Variants in CLHC1 observed in about 807,000 individuals in gnomAD.
The protein encoded by CLHC1 is clathrin heavy chain linker domain containing 1.
Under a neutral mutation model 69.5 loss-of-function variants are expected in CLHC1, and 72 were observed. That is an observed-to-expected ratio of 1.04 (90% CI 0.86 to 1.26). The LOEUF (loss-of-function observed/expected upper bound fraction) is 1.26. Among genes scored for constraint, CLHC1 ranks in the 50% most tolerant of loss-of-function variants. The pLI is 0.00. For synonymous variants in CLHC1, 223 were observed against 224.3 expected, an observed-to-expected ratio of 0.99 and a Z score of 0.05; for missense variants, 790 against 679.3, an observed-to-expected ratio of 1.16 and a Z score of -1.81.
rs1228505014 is a variant in CLHC1 at position 55,174,509 on chromosome 2, T to A, written c.*1281A>T. On this transcript the variant is annotated 3_prime_UTR_variant, in exon 13 of 13. Transcript: ENST00000401408. The stretch of plus-strand genomic sequence containing the variant: ...CGATTACAAAGGAATTACAGCTATC[T>A]TTTCCTAAGTTCCTCTATCATGTTA... 6.6e-6 allele frequency among the ~76,000 whole-genome samples: 1 copy of A among 152,198 alleles called. No homozygotes were observed. Among genetic ancestry groups the A allele is most frequent in the Non-Finnish European group, 1.5e-5 (1 of 68,038 alleles).
intron 9 of CLHC1, among the ~76,000 whole-genome samples, chr2:55,190,452 T>C (rs761941017): frequency 1.3e-5 from 2 of 152,082 alleles, no homozygotes; most frequent in Non-Finnish European, 2.9e-5. Context: ...ATTGACATGA[T>C]AGAATTTGTA....
At chr2:55,187,495 C>T (rs1013480562) in intron 9 of CLHC1, among the ~76,000 whole-genome samples, 2 of 151,748 alleles carry the variant, frequency 1.3e-5, no homozygotes, top group East Asian at 3.9e-4. Flanking sequence ...TGCCTCTAGT[C>T]CCAGCTACTC....
At chr2:55,227,692 A>AAT (rs1674846503) in intron 2 of CLHC1, among the ~76,000 whole-genome samples, 2 of 150,992 alleles carry the variant, frequency 1.3e-5, no homozygotes, top group African/African-American at 4.9e-5. Flanking sequence ...AAAAAAAAAA[A>AAT]GTAAAAGATA....
rs551535581 is a variant in CLHC1, at chr2:55,206,319, G to A, written c.957C>T (p.Asn319=). ...EYEKAACYAA[N]SPRRILRNIG... The stretch of plus-strand genomic sequence containing the variant: ...TGTTTCGAAGAATTCTTCTAGGACT[G>A]TTTGCTGCATAACAAGCTGCCTTTT... The change falls in exon 9 of 13, where the codon AAC becomes AAT. Residue 319 remains asparagine, a synonymous_variant. Transcript: ENST00000401408. The A allele has an allele frequency of 5.6e-6, 9 of 1,611,514 alleles. No homozygotes were observed. The highest frequency in any genetic ancestry group is 7.6e-6 in the Non-Finnish European group (9 of 1,178,200).
chr2:55,181,531 G>A (rs775960974), intron 10 of CLHC1, 39 bp downstream of exon 10: 71 of 1,466,550 alleles, frequency 4.8e-5, no homozygotes, highest in East Asian at 1.6e-4. Context: ...CTTTATTAAC[G>A]AAATGTCAAA....
chr2:55,224,829 C>T (rs1674535331), intron 2 of CLHC1: 2 of 303,964 alleles, frequency 6.6e-6, no homozygotes, highest in East Asian at 1.8e-4. Context: ...CCAGCCAGCC[C>T]GGTTCTCGGA....
intron 2 of CLHC1, chr2:55,224,242 A>G (rs1674471755): frequency 3.1e-6 from 1 of 325,824 alleles, no homozygotes. Context: ...GCCAGGGGCC[A>G]GCTGATAATG....
chr2:55,227,594 C>T (rs1198162316), intron 2 of CLHC1, among the ~76,000 whole-genome samples: 1 of 150,274 alleles, frequency 6.7e-6, no homozygotes, highest in Non-Finnish European at 1.5e-5. Context: ...AGGAGAATCA[C>T]TTGAACCCAG....
chr2:55,212,753 A>C lies in CLHC1; in HGVS notation c.419T>G (p.Ile140Ser), dbSNP rs370857740. ...GTCATACTCTGCCCTACACTGCTTG[A>C]TGTGATCTATTTGAGATTGAATCTT... ...SSKIQSQIDH[I>S]KQCRAEYDTK... The change falls in exon 5 of 13, where the codon ATC becomes AGC. Residue 140 changes from isoleucine (I) to serine (S), a missense_variant. Ile to Ser is a moderately radical substitution (Grantham distance 142). Transcript: ENST00000401408. 2 of 1,598,228 alleles carry C rather than the reference A, an allele frequency of 1.3e-6. No individual in the cohort carries two copies. Among genetic ancestry groups the C allele is most frequent in the Non-Finnish European group, 1.7e-6 (2 of 1,165,700 alleles).
chr2:55,193,672 T>C (rs1362944200), intron 9 of CLHC1, among the ~76,000 whole-genome samples: 1 of 152,198 alleles, frequency 6.6e-6, no homozygotes, highest in Non-Finnish European at 1.5e-5. Flanking sequence ...TATACATTAC[T>C]AGCAGGAATG....
chr2:55,208,435 C>A (rs574905805), intron 8 of CLHC1, among the ~76,000 whole-genome samples, 191 bp downstream of exon 8: 1 of 152,094 alleles, frequency 6.6e-6, no homozygotes, highest in African/African-American at 2.4e-5. Context: ...CAAAATTTTT[C>A]GGATTTTGGA....
intron 11 of CLHC1, among the ~76,000 whole-genome samples, chr2:55,179,670 G>C (rs968659346): frequency 6.6e-6 from 1 of 152,040 alleles, no homozygotes; most frequent in Admixed American, 6.6e-5. Flanking sequence ...AGCAATGCCT[G>C]TACTTACAGT....
intron 11 of CLHC1, among the ~76,000 whole-genome samples, chr2:55,179,965 T>G (rs887387061): frequency 8.6e-5 from 13 of 152,018 alleles, no homozygotes; most frequent in African/African-American, 2.9e-4. Context: ...CCATCCTGGC[T>G]AACACGGTGA....
At chr2:55,204,976 G>T (rs1672301780) in intron 9 of CLHC1, among the ~76,000 whole-genome samples, 1 of 151,932 alleles carries the variant, frequency 6.6e-6, no homozygotes, top group Non-Finnish European at 1.5e-5. Flanking sequence ...TGTTTAATGG[G>T]TTAAAAAAAA....
intron 9 of CLHC1, among the ~76,000 whole-genome samples, chr2:55,190,420 G>GA (rs1039388114): frequency 8.6e-5 from 13 of 151,862 alleles, no homozygotes; most frequent in African/African-American, 3.1e-4. Flanking sequence ...CCCATACTGA[G>GA]AAAAAAATGT....
Position 55,175,828 on chromosome 2 carries a change from C to G in CLHC1, c.1723G>C (p.Asp575His). 6.2e-7 allele frequency: 1 copy of G among 1,614,020 alleles called. No individual in the cohort carries two copies. The highest frequency in any genetic ancestry group is 8.5e-7 in the Non-Finnish European group (1 of 1,179,972). ...QAAVTEISEE[D>H]DAVNLMEHVF... Reference sequence around the variant, plus strand: ...TGTTCCATTAGGTTGACTGCGTCATCCTCTTCAGAAATTTCTGTAACTGCA... The same window carrying G: ...TGTTCCATTAGGTTGACTGCGTCATGCTCTTCAGAAATTTCTGTAACTGCA... The change falls in exon 13 of 13, where the codon GAT becomes CAT. Residue 575 changes from aspartate (D) to histidine (H), a missense_variant. Coordinates refer to ENST00000401408, the MANE Select transcript of CLHC1 (RefSeq NM_152385.4).
rs187263027 is a variant in CLHC1 at position 55,192,372 on chromosome 2, G to A, written c.1007-10628C>T. Among the ~76,000 whole-genome samples, 594 of 152,072 alleles carry A rather than the reference G, an allele frequency of 3.9e-3. 4 individuals are homozygous for A. The highest frequency in any genetic ancestry group is 5.7e-3 in the Non-Finnish European group (388 of 67,982). On this transcript the variant is annotated intron_variant, in intron 9 of 12. Transcript: ENST00000401408. Reference sequence around the variant, plus strand: ...TGACCTCAAGTGATCCACCCACCTCGGCCTCCTAAAGTGCTGGGATTACAG... The same window carrying A: ...TGACCTCAAGTGATCCACCCACCTCAGCCTCCTAAAGTGCTGGGATTACAG...
intron 9 of CLHC1, among the ~76,000 whole-genome samples, chr2:55,197,653 T>C (rs1379411911): frequency 6.6e-6 from 1 of 152,216 alleles, no homozygotes; most frequent in Non-Finnish European, 1.5e-5. Flanking sequence ...AATGCAGATA[T>C]GGTTGCAGTA....
At chr2:55,180,484 T>C (rs199986439) in intron 11 of CLHC1, 26 bp downstream of exon 11, 64 of 1,565,716 alleles carry the variant, frequency 4.1e-5, no homozygotes, top group Non-Finnish European at 5.2e-5. Context: ...TTCAAATGTA[T>C]ACAAATGGCA....
Sources: allele counts gnomAD v4.1 joint callset (sites outside exome capture counted in the v4.1 genomes callset), GRCh38; gene constraint gnomAD v4.1.1; transcripts MANE v1.5; gene names NCBI Gene and HGNC (gene_info 2026-07-23, HGNC 2026-07-21).